The following UNC5D variants were observed in gnomAD, a reference collection of about 807,000 sequenced individuals.
UNC5D encodes the protein netrin receptor UNC5D.
In UNC5D, 39 loss-of-function variants were observed where a neutral mutation model predicts 105.4. The ratio of observed to expected loss-of-function variants is 0.37; its 90% CI spans 0.29 to 0.48. UNC5D has a LOEUF of 0.48. Among genes scored for constraint, UNC5D ranks in the 20% least tolerant of loss-of-function variants. UNC5D has a pLI of 0.98. For synonymous variants in UNC5D, 452 were observed against 450.4 expected, an observed-to-expected ratio of 1.00 and a Z score of -0.04; for missense variants, 991 against 1,202.4, an observed-to-expected ratio of 0.82 and a Z score of 2.60.
chr8:35,475,086 A>T (rs889136169), intron 1 of UNC5D, among the ~76,000 whole-genome samples: 1 of 152,168 alleles, frequency 6.6e-6, no homozygotes. Context: ...ATAGCAGTAA[A>T]TACTCAGGGA....
At chr8:35,643,403 G>A (rs1822869787) in intron 4 of UNC5D, among the ~76,000 whole-genome samples, 1 of 152,016 alleles carries the variant, frequency 6.6e-6, no homozygotes, top group African/African-American at 2.4e-5. Flanking sequence ...TGCAACCTCT[G>A]CCTCCTGGGT....
At chr8:35,706,422 GGGTGTTGGTACT>G in intron 8 of UNC5D, among the ~76,000 whole-genome samples, 1 of 152,240 alleles carries the variant, frequency 6.6e-6, no homozygotes, top group Admixed American at 6.5e-5. Flanking sequence ...CTGAGGATTG[GGGTGTTGGTACT>G]GGCTTAGGCT....
At chr8:35,423,568 G>C (rs190797853) in intron 1 of UNC5D, among the ~76,000 whole-genome samples, 1 of 152,082 alleles carries the variant, frequency 6.6e-6, no homozygotes, top group Non-Finnish European at 1.5e-5. Flanking sequence ...TCAGTGTTTC[G>C]GTGTAATAAA....
At chr8:35,649,305 A>G (rs1449932647) in intron 4 of UNC5D, among the ~76,000 whole-genome samples, 1 of 152,190 alleles carries the variant, frequency 6.6e-6, no homozygotes, top group African/African-American at 2.4e-5. Context: ...ATTGGTTGGC[A>G]TCTGGAGTTC....
chr8:35,323,952 G>C (rs531920664), intron 1 of UNC5D, among the ~76,000 whole-genome samples: 1 of 152,020 alleles, frequency 6.6e-6, no homozygotes, highest in Admixed American at 6.5e-5. Flanking sequence ...ATGTTTGACT[G>C]GGTATGTTGG....
chr8:35,642,290 G>A (rs1034024682), intron 4 of UNC5D, among the ~76,000 whole-genome samples: 1 of 152,100 alleles, frequency 6.6e-6, no homozygotes, highest in Non-Finnish European at 1.5e-5. Flanking sequence ...TAAAGCAGTG[G>A]TTCAATCCCA....
chr8:35,467,062 A>G (rs1809359751), intron 1 of UNC5D, among the ~76,000 whole-genome samples: 1 of 152,156 alleles, frequency 6.6e-6, no homozygotes, highest in South Asian at 2.1e-4. Flanking sequence ...CAGGTCATGG[A>G]AATAACTATA....
chr8:35,541,694 C>G (rs554036526), intron 1 of UNC5D, among the ~76,000 whole-genome samples: 1 of 146,678 alleles, frequency 6.8e-6, no homozygotes, highest in South Asian at 2.2e-4. Flanking sequence ...TTTGCATATA[C>G]TTCCAATTTA....
At chr8:35,243,049 G>A (rs183186587) in intron 1 of UNC5D, among the ~76,000 whole-genome samples, 120 of 152,244 alleles carry the variant, frequency 7.9e-4, no homozygotes, top group African/African-American at 2.7e-3. Flanking sequence ...TTGAATTACT[G>A]CAGATCTTGT....
At chr8:35,765,097 C>A (rs1162350352) in intron 14 of UNC5D, among the ~76,000 whole-genome samples, 2 of 152,132 alleles carry the variant, frequency 1.3e-5, no homozygotes, top group African/African-American at 4.8e-5. Context: ...TCCAGAAGCC[C>A]CTGCACACCT....
intron 1 of UNC5D, among the ~76,000 whole-genome samples, chr8:35,452,497 C>T (rs1360461789): frequency 6.6e-6 from 1 of 152,040 alleles, no homozygotes; most frequent in Non-Finnish European, 1.5e-5. Flanking sequence ...ATCTCCTGAC[C>T]TCGTCATCCA....
At chr8:35,425,946 A>G (rs1806222659) in intron 1 of UNC5D, among the ~76,000 whole-genome samples, 1 of 152,134 alleles carries the variant, frequency 6.6e-6, no homozygotes. Context: ...AGGCACTAAC[A>G]TGATTTTTGA....
chr8:35,706,557 C>G (rs1398577100), intron 8 of UNC5D, among the ~76,000 whole-genome samples: 1 of 152,094 alleles, frequency 6.6e-6, no homozygotes, highest in African/African-American at 2.4e-5. Flanking sequence ...GGCATTTGAC[C>G]TTATGCTCTT....
At chr8:35,683,767 A>G (rs760784889) in intron 5 of UNC5D, 40 bp downstream of exon 5, 36 of 1,444,234 alleles carry the variant, frequency 2.5e-5, no homozygotes, top group Non-Finnish European at 5.4e-6. Context: ...TAGGGAGGGC[A>G]GAAAGAGGTA....
At chr8:35,584,834 C>T (rs1186686915) in intron 3 of UNC5D, among the ~76,000 whole-genome samples, 3 of 152,078 alleles carry the variant, frequency 2.0e-5, no homozygotes, top group Non-Finnish European at 4.4e-5. Context: ...ATTCTTCAAG[C>T]CTGGTCTGTC....
At chr8:35,696,282 ATTTT>A (rs755876112) in intron 7 of UNC5D, among the ~76,000 whole-genome samples, 1 of 113,218 alleles carries the variant, frequency 8.8e-6, no homozygotes, top group African/African-American at 3.4e-5. Flanking sequence ...TCAATATTTA[ATTTT>A]TTTTTTTTTT....
At chr8:35,457,517 A>C (rs1808574622) in intron 1 of UNC5D, among the ~76,000 whole-genome samples, 1 of 152,206 alleles carries the variant, frequency 6.6e-6, no homozygotes, top group Non-Finnish European at 1.5e-5. Flanking sequence ...ACCAAGTTCC[A>C]CTGTGATAAA....
At chr8:35,697,134 TATAC>T (rs1440389738) in intron 7 of UNC5D, among the ~76,000 whole-genome samples, 1 of 144,370 alleles carries the variant, frequency 6.9e-6, no homozygotes, top group South Asian at 2.2e-4. Context: ...TACTTATATA[TATAC>T]ATACACACAC....
Position 35,558,315 on chromosome 8 carries a change from G to A in UNC5D, c.322+8805G>A, listed in dbSNP as rs540734198. On this transcript the variant is annotated intron_variant, in intron 2 of 16. Coordinates refer to ENST00000404895, the MANE Select transcript of UNC5D (RefSeq NM_080872.4). Reference sequence around the variant, plus strand: ...ATGACATCTTTGATTTATTGCTTATGGTAGGGGACCTGTGGCAAAATAATA... The same window carrying A: ...ATGACATCTTTGATTTATTGCTTATAGTAGGGGACCTGTGGCAAAATAATA... 5.9e-5 allele frequency among the ~76,000 whole-genome samples: 9 copies of A among 151,990 alleles called. No homozygotes were observed. In the South Asian group the frequency reaches 1.9e-3, roughly 32 times the overall value.
Sources: gnomAD v4.1 joint callset for allele counts (sites outside exome capture counted in the v4.1 genomes callset) on GRCh38, gnomAD v4.1.1 for gene constraint, MANE v1.5 for transcripts, NCBI Gene and HGNC (gene_info 2026-07-23, HGNC 2026-07-21) for gene names.